EVC2: variants seen among roughly 807,000 people sequenced by gnomAD.
The protein encoded by EVC2 is limbin.
Under a neutral mutation model 149.3 loss-of-function variants are expected in EVC2, and 148 were observed. That is an observed-to-expected ratio of 0.99 (90% CI 0.87 to 1.14). The LOEUF (loss-of-function observed/expected upper bound fraction) is 1.14, where lower values mean the gene tolerates loss of function less well. Among genes scored for constraint, EVC2 ranks in the 50% most tolerant of loss-of-function variants. EVC2 has a pLI of 0.00. For synonymous variants in EVC2, 776 were observed against 649.9 expected, an observed-to-expected ratio of 1.19 and a Z score of -2.95; for missense variants, 1,854 against 1,627.3, an observed-to-expected ratio of 1.14 and a Z score of -2.40.
At chr4:5,539,984 C>T (rs573163282), downstream of EVC2, among the ~76,000 whole-genome samples, 5 of 152,300 alleles carry the variant, frequency 3.3e-5, no homozygotes, top group Admixed American at 1.3e-4. Context: ...ATATACTTGA[C>T]AAAGACATTG....
At chr4:5,581,774 C>G (rs1711826239) in intron 17 of EVC2, among the ~76,000 whole-genome samples, 1 of 152,192 alleles carries the variant, frequency 6.6e-6, no homozygotes, top group Admixed American at 6.5e-5. Flanking sequence ...ATCACAGTCC[C>G]AGAGGCCTAG....
Position 5,576,415 on chromosome 4 carries a change from C to A in EVC2, c.3097G>T (p.Val1033Leu). 1 of 1,611,558 alleles carries A rather than the reference C, an allele frequency of 6.2e-7. No individual in the cohort carries two copies. The highest frequency in any genetic ancestry group is 8.5e-7 in the Non-Finnish European group (1 of 1,178,810). The change falls in exon 18 of 22, where the codon GTG (valine) becomes TTG (leucine). Residue 1033 changes from valine to leucine, a missense_variant. Transcript: ENST00000344408. The surrounding 1 kb of genome is among the most constrained non-coding windows in gnomAD (Gnocchi z 4.5). ...TGCTGCTGGGCTGCCTCCTGCTGCA[C>A]CAGCTGGTCCTCCAGCTTCCTCTCC... ...ELERKLEDQLVQQEAAQQQQA... is the reference protein window; with the variant it reads ...ELERKLEDQLLQQEAAQQQQA...
intron 3 of EVC2, among the ~76,000 whole-genome samples, chr4:5,691,703 T>G (rs1293890347): frequency 6.6e-6 from 1 of 152,150 alleles, no homozygotes; most frequent in Admixed American, 6.5e-5. Context: ...ACAGTACACC[T>G]GTGCACCATG....
intron 10 of EVC2, among the ~76,000 whole-genome samples, chr4:5,638,115 G>A (rs112985313): frequency 0.055 from 8,346 of 152,132 alleles, 746 homozygotes; most frequent in African/African-American, 0.19. Context: ...TTGGCCATGC[G>A]TGGTGGCTCA....
chr4:5,559,165 T>C (rs1334779221), downstream of EVC2, among the ~76,000 whole-genome samples: 1 of 152,090 alleles, frequency 6.6e-6, no homozygotes, highest in Non-Finnish European at 1.5e-5. The surrounding 1 kb of genome is among the most constrained non-coding windows in gnomAD (Gnocchi z 5.0). Flanking sequence ...ACTGTGATTG[T>C]ACACTGCACT....
At chr4:5,642,781 G>A (rs1039226502) in intron 9 of EVC2, among the ~76,000 whole-genome samples, 2 of 152,144 alleles carry the variant, frequency 1.3e-5, no homozygotes, top group Non-Finnish European at 2.9e-5. Context: ...GTGTATGATT[G>A]TAAAAATACA....
chr4:5,620,700 T>C (rs1223156672), intron 14 of EVC2, among the ~76,000 whole-genome samples: 1 of 152,204 alleles, frequency 6.6e-6, no homozygotes, highest in African/African-American at 2.4e-5. Flanking sequence ...AATCATACAC[T>C]TCTCTGATAG....
intron 5 of EVC2, among the ~76,000 whole-genome samples, chr4:5,688,268 G>T (rs1164592606): frequency 6.6e-6 from 1 of 152,154 alleles, no homozygotes. Flanking sequence ...CAGCATGACT[G>T]ATGAGCGATG....
intron 1 of EVC2, among the ~76,000 whole-genome samples, chr4:5,702,983 A>G (rs1425261757): frequency 6.6e-6 from 1 of 152,204 alleles, no homozygotes; most frequent in African/African-American, 2.4e-5. Context: ...TACACAGCAA[A>G]TATACAATTG....
At chr4:5,594,199 G>C (rs1301160073) in intron 16 of EVC2, among the ~76,000 whole-genome samples, 2 of 152,196 alleles carry the variant, frequency 1.3e-5, no homozygotes, top group African/African-American at 2.4e-5. Flanking sequence ...GTCCCTGTCT[G>C]ACAGCTTTGA....
chr4:5,606,284 A>G (rs1473727083), intron 16 of EVC2, among the ~76,000 whole-genome samples: 2 of 152,238 alleles, frequency 1.3e-5, no homozygotes, highest in Non-Finnish European at 2.9e-5. Context: ...TTTAAAGCAG[A>G]CCTACTGTAA....
intron 16 of EVC2, among the ~76,000 whole-genome samples, chr4:5,610,796 T>TTTC (rs1553827479): frequency 1.4e-5 from 2 of 143,336 alleles, no homozygotes; most frequent in African/African-American, 2.7e-5. Context: ...TTCCTTTTCT[T>TTTC]TTTTTTTTTT....
intron 7 of EVC2, among the ~76,000 whole-genome samples, chr4:5,671,066 G>T (rs911415533): frequency 3.9e-5 from 6 of 152,232 alleles, no homozygotes; most frequent in African/African-American, 1.4e-4. Flanking sequence ...ACCAGGGATG[G>T]ATCCAAGTGC....
chr4:5,650,669 A>AGAGC (rs1553843779), intron 9 of EVC2, among the ~76,000 whole-genome samples: 25 of 139,600 alleles, frequency 1.8e-4, no homozygotes, highest in African/African-American at 5.9e-4. Flanking sequence ...AGAGAGAGAG[A>AGAGC]GAGCCATTTA....
At chr4:5,540,036 A>T (rs545281935), downstream of EVC2, among the ~76,000 whole-genome samples, 1 of 152,370 alleles carries the variant, frequency 6.6e-6, no homozygotes, top group South Asian at 2.1e-4. Context: ...CAAATATAAT[A>T]AAATAAACAA....
At chr4:5,664,249 A>T (rs1014776) in intron 8 of EVC2, among the ~76,000 whole-genome samples, 109,671 of 152,010 alleles carry the variant, frequency 0.72, 39,700 homozygotes, top group East Asian at 0.75. Context: ...GTTGATTTTT[A>T]ACCCCAATCC....
chr4:5,610,781 C>G (rs1443803914), intron 16 of EVC2, among the ~76,000 whole-genome samples: 1 of 143,714 alleles, frequency 7.0e-6, no homozygotes, highest in African/African-American at 2.8e-5. Flanking sequence ...ATGTCTTGCT[C>G]CTTTTTCCTT....
At chr4:5,706,516 A>C (rs1254070785) in intron 1 of EVC2, among the ~76,000 whole-genome samples, 5 of 151,840 alleles carry the variant, frequency 3.3e-5, no homozygotes, top group Admixed American at 1.3e-4. Context: ...GGTATCAAGT[A>C]ATTACATGAA....
At chr4:5,620,187 A>G (rs1715585859) in intron 14 of EVC2, among the ~76,000 whole-genome samples, 1 of 152,208 alleles carries the variant, frequency 6.6e-6, no homozygotes, top group Non-Finnish European at 1.5e-5. Flanking sequence ...TGGAAACTGC[A>G]GCAGCCCCCT....
Sources: gnomAD v4.1 joint callset for allele counts (sites outside exome capture counted in the v4.1 genomes callset) on GRCh38, gnomAD v4.1.1 for gene constraint, Gnocchi (gnomAD v3.1) non-coding constraint, MANE v1.5 for transcripts, NCBI Gene and HGNC (gene_info 2026-07-23, HGNC 2026-07-21) for gene names.